RSPRY1: variants seen among roughly 807,000 people sequenced by gnomAD.
The protein encoded by RSPRY1 is ring finger and SPRY domain containing 1.
A neutral mutation model predicts 73.1 loss-of-function variants in RSPRY1; 23 were observed. That is an observed-to-expected ratio of 0.31 (90% CI 0.23 to 0.45). The LOEUF (loss-of-function observed/expected upper bound fraction) is 0.45, where lower values mean the gene tolerates loss of function less well. Among genes scored for constraint, RSPRY1 ranks in the 20% least tolerant of loss-of-function variants. The pLI, the probability that RSPRY1 is intolerant of heterozygous loss-of-function variation, is 1.00. For missense variants in RSPRY1, 448 were observed against 698.7 expected, an observed-to-expected ratio of 0.64 and a Z score of 4.05; for synonymous variants, 226 against 251.4, an observed-to-expected ratio of 0.90 and a Z score of 0.95.
At position 57,204,691 on chromosome 16, in the gene RSPRY1, G is replaced by A. The variant is rs201569191; in HGVS notation, c.33G>A (p.Ala11=). The A allele has an allele frequency of 2.4e-5, 39 of 1,614,124 alleles. 1 individual carries two copies. The South Asian group carries it at 2.7e-4, about 11-fold the overall frequency. MIVFGWAVFL[A]SRSLGQGLLL... ...TCTTTGGTTGGGCCGTGTTCTTAGC[G>A]AGCAGAAGCCTTGGCCAGGGTCTGT... The change falls in exon 2 of 15, where the codon GCG becomes GCA. Residue 11 remains alanine, a synonymous_variant. Coordinates refer to ENST00000394420, the MANE Select transcript of RSPRY1 (RefSeq NM_133368.3).
At chr16:57,207,701 ATG>A (rs1301500595) in intron 2 of RSPRY1, 2 of 466,322 alleles carry the variant, frequency 4.3e-6, no homozygotes, top group Non-Finnish European at 8.6e-6. Context: ...TATGAAGGTG[ATG>A]TTGACCTTCC....
At chr16:57,236,070 G>C (rs1159215267) in intron 14 of RSPRY1, among the ~76,000 whole-genome samples, 1 of 152,234 alleles carries the variant, frequency 6.6e-6, no homozygotes, top group East Asian at 1.9e-4. Context: ...TTCCAGCTGT[G>C]ATTAATCCTC....
chr16:57,201,458 C>A (rs1329488380), intron 1 of RSPRY1, among the ~76,000 whole-genome samples: 1 of 151,334 alleles, frequency 6.6e-6, no homozygotes, highest in Non-Finnish European at 1.5e-5. Context: ...GGCAGAGACG[C>A]TCCTCACTTT....
rs571684442 is a variant in RSPRY1 at position 57,239,750 on chromosome 16, G to T, written c.*775G>T. ...ATTCTTAAATTAGCTGTAATGTTAG[G>T]TTGGAGAAAATTTGGTATTTAGGGT... On this transcript the variant is annotated 3_prime_UTR_variant, in exon 15 of 15. Transcript: ENST00000394420. The T allele has an allele frequency of 6.6e-6, 1 of 152,016 alleles. No homozygotes were observed. Among genetic ancestry groups the T allele is most frequent in the East Asian group, 1.9e-4 (1 of 5,184 alleles). 9.4% of individuals were successfully genotyped at this position (152,016 alleles called of 1,614,324 possible).
rs527775402 is a variant in RSPRY1 at position 57,207,591 on chromosome 16, A to G, written c.351-467A>G. ...AGTCTAAGCATGTAGTGGTATTTCC[A>G]GAAGAAAACTTCAAAATGAAGATGC... On this transcript the variant is annotated intron_variant, in intron 2 of 14. Coordinates refer to ENST00000394420, the MANE Select transcript of RSPRY1 (RefSeq NM_133368.3). 10 of 456,212 alleles carry G rather than the reference A, an allele frequency of 2.2e-5. No individual in the cohort carries two copies. The East Asian group carries it at 6.9e-4, about 32-fold the overall frequency. 28.3% of individuals were successfully genotyped at this position (456,212 alleles called of 1,614,324 possible).
At chr16:57,228,139 G>T (rs1413047764) in intron 11 of RSPRY1, among the ~76,000 whole-genome samples, 1 of 151,982 alleles carries the variant, frequency 6.6e-6, no homozygotes, top group Non-Finnish European at 1.5e-5. Flanking sequence ...CAGGTGTGGT[G>T]GCACCCACCT....
intron 1 of RSPRY1, among the ~76,000 whole-genome samples, chr16:57,192,418 T>C (rs547353755): frequency 6.6e-6 from 1 of 152,320 alleles, no homozygotes; most frequent in South Asian, 2.1e-4. Context: ...CCTCAATTCT[T>C]CCTTAGTATT....
intron 11 of RSPRY1, among the ~76,000 whole-genome samples, chr16:57,230,005 CTTTTTTTTTTT>C (rs544045998): frequency 2.2e-5 from 1 of 44,928 alleles, no homozygotes; most frequent in African/African-American, 8.9e-5. Flanking sequence ...ACGCCCTGCC[CTTTTTTTTTTT>C]TTTTTTTTTT....
chr16:57,225,391 C>A (rs1273670682), intron 10 of RSPRY1, among the ~76,000 whole-genome samples: 3 of 152,220 alleles, frequency 2.0e-5, no homozygotes, highest in African/African-American at 7.2e-5. Context: ...GATGCAAGCT[C>A]ATTTAACTCT....
At chr16:57,220,705 G>T in intron 8 of RSPRY1, 27 bp from the exon 9 acceptor site, 2 of 1,493,570 alleles carry the variant, frequency 1.3e-6, no homozygotes, top group Non-Finnish European at 1.9e-6. Flanking sequence ...GCCTGCCTTA[G>T]AAACATGAAC....
chr16:57,235,324 A>G, intron 14 of RSPRY1, 96 bp downstream of exon 14: 1 of 835,664 alleles, frequency 1.2e-6, no homozygotes. Flanking sequence ...AGCAGGCTGA[A>G]TGAGGAACTA....
At chr16:57,201,591 G>T (rs1376795278) in intron 1 of RSPRY1, among the ~76,000 whole-genome samples, 1 of 152,256 alleles carries the variant, frequency 6.6e-6, no homozygotes, top group Non-Finnish European at 1.5e-5. Flanking sequence ...CGGCACTTTG[G>T]GGGGCCAAGG....
chr16:57,213,458 G>A lies in RSPRY1; in HGVS notation c.643+360G>A, dbSNP rs144611114. ...ATACACACTTTATAAAGTTTAGCTC[G>A]ATTATGAAGACATACAAGGTAGAGG... On this transcript the variant is annotated intron_variant, in intron 5 of 14. Coordinates refer to ENST00000394420, the MANE Select transcript of RSPRY1 (RefSeq NM_133368.3). Among the ~76,000 whole-genome samples the A allele has an allele frequency of 7.2e-3, 1,091 of 152,302 alleles. 12 individuals are homozygous for A. The highest frequency in any genetic ancestry group is 0.025 in the African/African-American group (1,051 of 41,552).
At chr16:57,186,834 G>T (rs1048281985) in intron 1 of RSPRY1, 2 of 152,332 alleles carry the variant, frequency 1.3e-5, no homozygotes, top group Admixed American at 6.6e-5. Context: ...TACCGATGGG[G>T]TCCTGACCTA....
At position 57,238,986 on chromosome 16, in the gene RSPRY1, G is replaced by A. The variant is rs369418901; in HGVS notation, c.*11G>A. ...TCTCATATTTCATGACACATGTGAA[G>A]AGGCATCGTGGACTTTTTTCTACTC... On this transcript the variant is annotated 3_prime_UTR_variant, in exon 15 of 15. Transcript: ENST00000394420. 13 of 1,457,888 alleles carry A rather than the reference G, an allele frequency of 8.9e-6. No individual in the cohort carries two copies. Among genetic ancestry groups the A allele is most frequent in the Non-Finnish European group, 1.1e-5 (12 of 1,051,514 alleles). 90.3% of individuals were successfully genotyped at this position (1,457,888 alleles called of 1,614,324 possible).
chr16:57,190,505 T>A (rs1181162457), intron 1 of RSPRY1, among the ~76,000 whole-genome samples: 1 of 152,208 alleles, frequency 6.6e-6, no homozygotes, highest in East Asian at 1.9e-4. Flanking sequence ...TTCAAAAGAA[T>A]TATTTGGGGA....
At chr16:57,227,670 A>T (rs540365756) in intron 11 of RSPRY1, among the ~76,000 whole-genome samples, 2 of 152,286 alleles carry the variant, frequency 1.3e-5, no homozygotes, top group South Asian at 4.1e-4. Context: ...CAGAAAATAA[A>T]TTTTTTACAT....
chr16:57,196,057 A>G (rs1478931368), intron 1 of RSPRY1, among the ~76,000 whole-genome samples: 1 of 143,772 alleles, frequency 7.0e-6, no homozygotes, highest in African/African-American at 2.5e-5. Flanking sequence ...ATATATAGGT[A>G]TTACAGATGT....
At chr16:57,191,206 CT>C (rs2074346625) in intron 1 of RSPRY1, among the ~76,000 whole-genome samples, 1 of 152,146 alleles carries the variant, frequency 6.6e-6, no homozygotes, top group Non-Finnish European at 1.5e-5. Context: ...CTTGTGTTCC[CT>C]TAATGCAGTG....
Sources: gnomAD v4.1 joint callset for allele counts (sites outside exome capture counted in the v4.1 genomes callset) on GRCh38, gnomAD v4.1.1 for gene constraint, MANE v1.5 for transcripts, NCBI Gene and HGNC (gene_info 2026-07-23, HGNC 2026-07-21) for gene names.